SNX7: variants seen among roughly 807,000 people sequenced by gnomAD.
SNX7 encodes sorting nexin 7, also known as sorting nexin-7.
In SNX7, 35 loss-of-function variants were observed where a neutral mutation model predicts 48.4. That is an observed-to-expected ratio of 0.72 (90% CI 0.55 to 0.96). The LOEUF (loss-of-function observed/expected upper bound fraction) is 0.96. Among genes scored for constraint, SNX7 ranks in the 40% least tolerant of loss-of-function variants. The pLI, the probability that SNX7 is intolerant of heterozygous loss-of-function variation, is 0.00. For synonymous variants in SNX7, 190 were observed against 190.2 expected, an observed-to-expected ratio of 1.00 and a Z score of 0.01; for missense variants, 553 against 548.9, an observed-to-expected ratio of 1.01 and a Z score of -0.07.
chr1:98,695,849 G>A (rs1467721064), intron 5 of SNX7, 133 bp downstream of exon 5: 1 of 679,804 alleles, frequency 1.5e-6, no homozygotes, highest in Non-Finnish European at 2.6e-6. Context: ...GCCATCTTAT[G>A]GACATTTCTG....
intron 7 of SNX7, among the ~76,000 whole-genome samples, chr1:98,730,892 A>T (rs1031666281): frequency 6.6e-6 from 1 of 152,170 alleles, no homozygotes; most frequent in Non-Finnish European, 1.5e-5. Context: ...TCCTCAGCAA[A>T]CTAACACAGG....
At chr1:98,683,957 T>C (rs1355089984) in intron 1 of SNX7, among the ~76,000 whole-genome samples, 1 of 152,176 alleles carries the variant, frequency 6.6e-6, no homozygotes, top group Non-Finnish European at 1.5e-5. Flanking sequence ...GTGGGAAAGT[T>C]ACCTGATTGC....
intron 1 of SNX7, among the ~76,000 whole-genome samples, chr1:98,669,062 C>G (rs751090380): frequency 1.3e-5 from 2 of 152,214 alleles, no homozygotes; most frequent in Non-Finnish European, 2.9e-5. Context: ...CAGTTTATTT[C>G]CAACTGGACT....
intron 1 of SNX7, among the ~76,000 whole-genome samples, chr1:98,665,862 T>C (rs538095061): frequency 6.6e-6 from 1 of 152,292 alleles, no homozygotes; most frequent in South Asian, 2.1e-4. Context: ...AGTGCAGGGA[T>C]TACAGGCGTG....
chr1:98,662,146 C>A (rs942021191), intron 1 of SNX7: 2 of 375,914 alleles, frequency 5.3e-6, no homozygotes, highest in Non-Finnish European at 9.4e-6. Context: ...CTTTGACCTT[C>A]CGTTCGGCGG....
intron 1 of SNX7, among the ~76,000 whole-genome samples, chr1:98,680,109 G>T (rs914453013): frequency 6.6e-6 from 1 of 152,184 alleles, no homozygotes; most frequent in Non-Finnish European, 1.5e-5. Flanking sequence ...TGAAATCTAG[G>T]TGGAGGTTCC....
intron 7 of SNX7, among the ~76,000 whole-genome samples, chr1:98,731,560 G>GA (rs774937105): frequency 3.7e-4 from 57 of 152,132 alleles, no homozygotes; most frequent in Middle Eastern, 6.8e-3. Flanking sequence ...GATATGTTCT[G>GA]AAAAAATTTG....
intron 1 of SNX7, among the ~76,000 whole-genome samples, chr1:98,671,597 G>A (rs1649866144): frequency 6.6e-6 from 1 of 151,738 alleles, no homozygotes; most frequent in African/African-American, 2.4e-5. Context: ...ATTTTTTTAA[G>A]ATAATTAACC....
chr1:98,738,112 G>T (rs566856924), intron 7 of SNX7, 125 bp from the exon 8 acceptor site: 1 of 944,492 alleles, frequency 1.1e-6, no homozygotes, highest in Non-Finnish European at 1.5e-6. Flanking sequence ...GTAAATACTG[G>T]TGATTAAAAA....
chr1:98,706,614 A>C (rs1260402261), intron 7 of SNX7, among the ~76,000 whole-genome samples: 1 of 152,182 alleles, frequency 6.6e-6, no homozygotes. Flanking sequence ...GATGATGTGC[A>C]TGTGGTATGT....
intron 1 of SNX7, among the ~76,000 whole-genome samples, chr1:98,675,260 T>G (rs1650098822): frequency 6.6e-6 from 1 of 152,190 alleles, no homozygotes; most frequent in Non-Finnish European, 1.5e-5. Flanking sequence ...AAATGTTAAG[T>G]CTTTTAAGTA....
chr1:98,739,080 G>A (rs577706472), intron 8 of SNX7, among the ~76,000 whole-genome samples: 162 of 152,170 alleles, frequency 1.1e-3, no homozygotes, highest in Non-Finnish European at 1.1e-3. Flanking sequence ...GGTGGGGGGC[G>A]GGGTTAGTTT....
intron 6 of SNX7, among the ~76,000 whole-genome samples, chr1:98,701,034 T>A (rs1167692185): frequency 6.6e-6 from 1 of 152,116 alleles, no homozygotes; most frequent in East Asian, 1.9e-4. Context: ...AAAAGATGAG[T>A]ACAAATAAAA....
intron 1 of SNX7, among the ~76,000 whole-genome samples, chr1:98,674,130 A>G (rs1007503751): frequency 9.9e-5 from 15 of 152,214 alleles, no homozygotes; most frequent in Non-Finnish European, 1.6e-4. Flanking sequence ...ACCTGTTAAA[A>G]AGAATGGAGC....
intron 8 of SNX7, among the ~76,000 whole-genome samples, chr1:98,759,687 C>T (rs897474644): frequency 5.3e-5 from 8 of 152,008 alleles, no homozygotes; most frequent in Non-Finnish European, 8.8e-5. Context: ...TCACAATTGA[C>T]GTAATGGGAT....
chr1:98,702,729 C>T (rs1397183224), intron 7 of SNX7, among the ~76,000 whole-genome samples: 3 of 152,074 alleles, frequency 2.0e-5, no homozygotes, highest in African/African-American at 7.2e-5. Flanking sequence ...TCTTGCCTGC[C>T]TCAGACAGTG....
At chr1:98,668,280 AAC>A (rs1384463873) in intron 1 of SNX7, among the ~76,000 whole-genome samples, 1 of 152,218 alleles carries the variant, frequency 6.6e-6, no homozygotes. Flanking sequence ...ATTGAATTTA[AAC>A]ACCATATTTT....
chr1:98,713,640 T>C (rs1309786349), intron 7 of SNX7, among the ~76,000 whole-genome samples: 1 of 152,200 alleles, frequency 6.6e-6, no homozygotes, highest in Non-Finnish European at 1.5e-5. Flanking sequence ...AAGTAAGAGA[T>C]GCTCAATTCT....
At chr1:98,676,115 C>G (rs1570494922) in intron 1 of SNX7, among the ~76,000 whole-genome samples, 1 of 151,778 alleles carries the variant, frequency 6.6e-6, no homozygotes, top group Non-Finnish European at 1.5e-5. Flanking sequence ...TAAATTCCCT[C>G]TCTCCCTCCC....
Sources: allele counts gnomAD v4.1 joint callset (sites outside exome capture counted in the v4.1 genomes callset), GRCh38; gene constraint gnomAD v4.1.1; transcripts MANE v1.5; gene names NCBI Gene and HGNC (gene_info 2026-07-23, HGNC 2026-07-21).